The following DHRS2 variants were observed in gnomAD, a reference collection of about 807,000 sequenced individuals.
DHRS2 encodes the protein dehydrogenase/reductase 2.
A neutral mutation model predicts 26.3 loss-of-function variants in DHRS2; 29 were observed. The observed-to-expected ratio is 1.10, with a 90% CI of 0.82 to 1.50. The LOEUF (loss-of-function observed/expected upper bound fraction) is 1.50. Ranked by LOEUF, DHRS2 falls within the 40% of genes most tolerant of loss-of-function variation. The pLI is 0.00. For synonymous variants in DHRS2, 164 were observed against 151.3 expected (o/e 1.08, Z -0.62); for missense variants, 439 against 367.1 (o/e 1.20, Z -1.60).
At chr14:23,643,939 A>G (rs1419182271) in intron 5 of DHRS2, 172 bp from the exon 6 acceptor site, 2 of 663,190 alleles carry the variant, frequency 3.0e-6, no homozygotes, top group Non-Finnish European at 2.7e-6. Context: ...TCTGCCGTGT[A>G]TTGGCTGGTA....
rs550003411 is a variant in DHRS2 at position 23,639,016 on chromosome 14, A to C, written c.140+12A>C. 1 of 1,612,142 alleles carries C rather than the reference A, an allele frequency of 6.2e-7. No individual in the cohort carries two copies. The highest frequency in any genetic ancestry group is 2.2e-5 in the East Asian group (1 of 44,858). ...GGGTCCACCAGTGGGTGAGTGCTGG[A>C]TTGCCCATGGGTCCTGGCCCCTCAC... is the stretch of plus-strand genomic sequence containing the variant. On this transcript the variant is annotated intron_variant, in intron 2 of 8. Coordinates refer to ENST00000250383, the MANE Select transcript of DHRS2 (RefSeq NM_005794.4).
chr14:23,632,183 G>A (rs1364113263), upstream of DHRS2, among the ~76,000 whole-genome samples: 2 of 152,208 alleles, frequency 1.3e-5, no homozygotes, highest in Admixed American at 6.5e-5. Context: ...CCCAGCCAAG[G>A]AGACTGGATT....
Position 23,636,619 on chromosome 14 carries a change from T to G in DHRS2, c.-192T>G, listed in dbSNP as rs1216096329. ...TCTGCAACTTCATTCTTGAAGTCAGTGAGGCCAAGAACCCATCAATTCCGT... is the reference window on the plus strand; with the variant it reads ...TCTGCAACTTCATTCTTGAAGTCAGGGAGGCCAAGAACCCATCAATTCCGT... On this transcript the variant is annotated 5_prime_UTR_variant, in exon 1 of 9. Transcript: ENST00000250383. 1.3e-5 allele frequency: 2 copies of G among 152,108 alleles called. No individual in the cohort carries two copies. Among genetic ancestry groups the G allele is most frequent in the East Asian group, 3.9e-4 (2 of 5,170 alleles). 9.4% of individuals were successfully genotyped at this position (152,108 alleles called of 1,614,324 possible).
At chr14:23,643,640 G>A (rs1890756461) in intron 5 of DHRS2, 2 of 266,540 alleles carry the variant, frequency 7.5e-6, no homozygotes, top group South Asian at 1.1e-4. Flanking sequence ...GACCCTGCCT[G>A]TGTTCCAGGT....
chr14:23,639,840 G>T lies in DHRS2; in HGVS notation c.365G>T (p.Gly122Val). The change falls in exon 4 of 9, where the codon GGG becomes GTG. Residue 122 changes from glycine (G) to valine (V), a missense_variant. Physicochemically the swap from Gly to Val is moderately radical, Grantham distance 109 (BLOSUM62 -3). Transcript: ENST00000250383. ...GGVDFLVCSA[G>V]VNPLVGSTLG... ...GTCGACTTCCTGGTGTGCAGCGCAG[G>T]GGTCAACCCTCTGGTAGGGAGCACT... 6.2e-7 allele frequency: 1 copy of T among 1,610,374 alleles called. No homozygotes were observed.
chr14:23,639,708 G>T, intron 3 of DHRS2, 86 bp from the exon 4 acceptor site: 1 of 1,394,310 alleles, frequency 7.2e-7, no homozygotes, highest in Non-Finnish European at 9.6e-7. Context: ...TGCAAGCTTT[G>T]CCTGAAGGCC....
chr14:23,644,922 A>G, intron 8 of DHRS2, 40 bp downstream of exon 8: 1 of 1,607,642 alleles, frequency 6.2e-7, no homozygotes, highest in Non-Finnish European at 8.5e-7. Flanking sequence ...ATGTGTGGCT[A>G]GGCAGGGGCA....
chr14:23,644,436 A>C lies in DHRS2; in HGVS notation c.568A>C (p.Thr190Pro). The change falls in exon 7 of 9, where the codon ACA becomes CCA. Residue 190 changes from threonine to proline, a missense_variant. Transcript: ENST00000250383. Reference protein sequence around the residue: ...VALGVYNVSKTALLGLTRTLA... With the variant: ...VALGVYNVSKPALLGLTRTLA... ...GCTGGGTGTCTACAATGTCAGCAAG[A>C]CAGCGCTGCTGGGTCTCACTAGAAC... 1 of 1,614,162 alleles carries C rather than the reference A, an allele frequency of 6.2e-7. No individual in the cohort carries two copies. Among genetic ancestry groups the C allele is most frequent in the Non-Finnish European group, 8.5e-7 (1 of 1,180,032 alleles).
rs918623147 is a variant in DHRS2, at chr14:23,636,682, A to G, written c.-129A>G. On this transcript the variant is annotated 5_prime_UTR_variant, in exon 1 of 9. Transcript: ENST00000250383. The stretch of plus-strand genomic sequence containing the variant: ...GACTTTGAAGAGACTGTCACCTATC[A>G]CCAAGTGGTGAGACTATTGCCAAGC... 1.3e-5 allele frequency: 2 copies of G among 152,216 alleles called. No homozygotes were observed. The highest frequency in any genetic ancestry group is 1.9e-4 in the East Asian group (1 of 5,180). The allele number at this position is 152,216 out of a possible 1,614,324, so 9.4% of individuals were successfully genotyped here.
chr14:23,644,392 G>C lies in DHRS2; in HGVS notation c.541-17G>C. 1 of 1,613,922 alleles carries C rather than the reference G, an allele frequency of 6.2e-7. No individual in the cohort carries two copies. Among genetic ancestry groups the C allele is most frequent in the East Asian group, 2.2e-5 (1 of 44,884 alleles). On this transcript the variant is annotated splice_polypyrimidine_tract_variant and intron_variant, in intron 6 of 8. Coordinates refer to ENST00000250383, the MANE Select transcript of DHRS2 (RefSeq NM_005794.4). ...CACTCTCCCATATCCTAATCACTCT[G>C]TCAATTCCCTTCCCAGGCGCTGGGT... is the stretch of plus-strand genomic sequence containing the variant.
chr14:23,633,672 A>C (rs1470131163), upstream of DHRS2, among the ~76,000 whole-genome samples: 1 of 152,152 alleles, frequency 6.6e-6, no homozygotes, highest in African/African-American at 2.4e-5. Flanking sequence ...GACACTCATT[A>C]CTGATCCTCT....
upstream of DHRS2, among the ~76,000 whole-genome samples, chr14:23,635,860 G>T (rs574716622): frequency 6.6e-6 from 1 of 152,250 alleles, no homozygotes; most frequent in South Asian, 2.1e-4. Flanking sequence ...CAGGGGCTCC[G>T]TGGGCCGGCC....
intron 1 of DHRS2, among the ~76,000 whole-genome samples, chr14:23,630,429 CA>C (rs1333213776): frequency 1.3e-5 from 2 of 152,212 alleles, no homozygotes; most frequent in African/African-American, 4.8e-5. Flanking sequence ...CTTTGATTAT[CA>C]ATACAAAGCT....
At position 23,638,809 on chromosome 14, in the gene DHRS2, AT is replaced by A; in HGVS notation, c.-38-16del. The A allele has an allele frequency of 1.3e-6, 2 of 1,585,060 alleles. No homozygotes were observed. ...CACTGAGGCATCAGTGATAAGTGAA[AT>A]TGATTCTTTCCCCCAGGCCTGATTC... On this transcript the variant is annotated splice_polypyrimidine_tract_variant and intron_variant, in intron 1 of 8. Transcript: ENST00000250383.
intron 5 of DHRS2, 116 bp downstream of exon 5, chr14:23,643,335 A>C: frequency 2.2e-6 from 2 of 910,226 alleles, no homozygotes; most frequent in Non-Finnish European, 3.5e-6. Context: ...TGGGATCTCC[A>C]CATCCCTCAT....
At chr14:23,644,575 T>C (rs1424383457) in intron 7 of DHRS2, 32 bp downstream of exon 7, 7 of 1,614,024 alleles carry the variant, frequency 4.3e-6, no homozygotes, top group Non-Finnish European at 5.9e-6. Context: ...CATCTCCCAG[T>C]CTGGCTCAGT....
chr14:23,642,853 C>A, intron 4 of DHRS2: 1 of 280,726 alleles, frequency 3.6e-6, no homozygotes, highest in Non-Finnish European at 6.9e-6. Context: ...CAGGCATGAC[C>A]CACTGCCCCC....
At chr14:23,638,369 G>C (rs984900409) in intron 1 of DHRS2, 2 of 184,738 alleles carry the variant, frequency 1.1e-5, no homozygotes, top group South Asian at 2.6e-4. Flanking sequence ...AAGTCAGCGA[G>C]ACCAAGAACC....
upstream of DHRS2, among the ~76,000 whole-genome samples, chr14:23,631,931 C>T (rs1245689746): frequency 6.6e-6 from 1 of 152,212 alleles, no homozygotes; most frequent in African/African-American, 2.4e-5. Context: ...TTCATCTCTG[C>T]AGGTTGTTTA....
Sources: allele counts gnomAD v4.1 joint callset (sites outside exome capture counted in the v4.1 genomes callset), GRCh38; gene constraint gnomAD v4.1.1; transcripts MANE v1.5; gene names NCBI Gene and HGNC (gene_info 2026-07-23, HGNC 2026-07-21).